The following SVOPL variants were observed in gnomAD, a reference collection of about 807,000 sequenced individuals.
SVOPL encodes putative transporter SVOPL.
Under a neutral mutation model 61.0 loss-of-function variants are expected in SVOPL, and 60 were observed. That is an observed-to-expected ratio of 0.98 (90% CI 0.80 to 1.22). SVOPL has a LOEUF of 1.22. Among genes scored for constraint, SVOPL ranks in the 50% most tolerant of loss-of-function variants. The probability of loss-of-function intolerance (pLI) is 0.00; values close to 1 mark genes in which losing one functional copy is unlikely to be tolerated. For synonymous variants in SVOPL, 279 were observed against 250.0 expected (o/e 1.12, Z -1.09); for missense variants, 662 against 643.9 (o/e 1.03, Z -0.30).
intron 3 of SVOPL, among the ~76,000 whole-genome samples, chr7:138,678,064 C>G (rs1012933777): frequency 1.3e-5 from 2 of 152,114 alleles, no homozygotes; most frequent in African/African-American, 4.8e-5. Flanking sequence ...CCGTGTGTGG[C>G]CACAATCTTT....
At chr7:138,602,393 G>A (rs1186300418) in intron 14 of SVOPL, among the ~76,000 whole-genome samples, 2 of 150,596 alleles carry the variant, frequency 1.3e-5, no homozygotes, top group Non-Finnish European at 2.9e-5. Context: ...AAGAATGAGG[G>A]TAATCTACAT....
At chr7:138,626,140 G>A (rs534862927) in intron 12 of SVOPL, 90 bp from the exon 13 acceptor site, 1 of 1,256,348 alleles carries the variant, frequency 8.0e-7, no homozygotes, top group East Asian at 2.4e-5. Context: ...TGGATGCTGA[G>A]ATACAATCAC....
chr7:138,689,207 G>T (rs1012983458), intron 1 of SVOPL: 6 of 1,348,034 alleles, frequency 4.5e-6, no homozygotes, highest in Non-Finnish European at 6.4e-6. Flanking sequence ...CCAAGCAGTG[G>T]GGCTGGACAC....
intron 9 of SVOPL, among the ~76,000 whole-genome samples, chr7:138,637,547 C>G (rs1354375028): frequency 6.6e-6 from 1 of 151,404 alleles, no homozygotes; most frequent in African/African-American, 2.4e-5. Flanking sequence ...CATACACACA[C>G]ACACCCCCCA....
chr7:138,596,145 C>T (rs927810347), intron 15 of SVOPL, among the ~76,000 whole-genome samples: 4 of 146,664 alleles, frequency 2.7e-5, no homozygotes, highest in Non-Finnish European at 6.0e-5. Context: ...GCCAAGATCA[C>T]ACCACTGCAC....
chr7:138,608,295 G>A (rs1198288726), intron 14 of SVOPL, among the ~76,000 whole-genome samples: 1 of 152,198 alleles, frequency 6.6e-6, no homozygotes, highest in Non-Finnish European at 1.5e-5. Context: ...AGTGGGTTTA[G>A]AACAGCCAGT....
chr7:138,693,130 T>C (rs145402625), intron 1 of SVOPL, among the ~76,000 whole-genome samples: 1 of 152,310 alleles, frequency 6.6e-6, no homozygotes, highest in Admixed American at 6.5e-5. Flanking sequence ...GGATTGATAC[T>C]GTCATAAACC....
At chr7:138,642,238 TCAA>T (rs1280517069) in intron 9 of SVOPL, among the ~76,000 whole-genome samples, 1 of 127,758 alleles carries the variant, frequency 7.8e-6, no homozygotes, top group African/African-American at 3.1e-5. Context: ...AGTATTGAAC[TCAA>T]CAAGCTAGAA....
intron 4 of SVOPL, chr7:138,664,063 C>G (rs1802136372): frequency 3.1e-6 from 1 of 320,454 alleles, no homozygotes; most frequent in Non-Finnish European, 4.5e-6. Flanking sequence ...GTTCCGTAAC[C>G]CTGTTTGACA....
intron 14 of SVOPL, among the ~76,000 whole-genome samples, chr7:138,603,268 G>A (rs1798606972): frequency 6.6e-6 from 1 of 152,206 alleles, no homozygotes; most frequent in Non-Finnish European, 1.5e-5. Context: ...GGGAGGTCTT[G>A]TGATTTGATG....
At chr7:138,647,784 G>T (rs549148080) in intron 8 of SVOPL, among the ~76,000 whole-genome samples, 123 of 151,078 alleles carry the variant, frequency 8.1e-4, no homozygotes, top group African/African-American at 2.9e-3. Context: ...GGAGGTGGAG[G>T]TTGCAGTGAG....
At chr7:138,611,129 C>A (rs1414922740) in intron 14 of SVOPL, among the ~76,000 whole-genome samples, 1 of 152,222 alleles carries the variant, frequency 6.6e-6, no homozygotes, top group Non-Finnish European at 1.5e-5. Context: ...GTAATCCCAG[C>A]ACTTTTCGGA....
At chr7:138,650,586 A>T (rs1284226615) in intron 7 of SVOPL, among the ~76,000 whole-genome samples, 1 of 148,938 alleles carries the variant, frequency 6.7e-6, no homozygotes, top group South Asian at 2.2e-4. Flanking sequence ...GAGGTAGGGG[A>T]ATCACTTGAA....
At chr7:138,596,087 G>A (rs1170158280) in intron 15 of SVOPL, among the ~76,000 whole-genome samples, 2 of 151,586 alleles carry the variant, frequency 1.3e-5, no homozygotes, top group East Asian at 1.9e-4. Flanking sequence ...TACTTGGGAG[G>A]CTGAGGCAGG....
rs1329640807 is a variant in SVOPL, at chr7:138,660,004, A to G, written c.346-16T>C. ...TGAGCAGAATCTGAAGCAACAGCAGAACACATGAATGGGACCTGCCTCAAT... is the reference window on the plus strand; with the variant it reads ...TGAGCAGAATCTGAAGCAACAGCAGGACACATGAATGGGACCTGCCTCAAT... On this transcript the variant is annotated splice_polypyrimidine_tract_variant and intron_variant, in intron 5 of 15. Transcript: ENST00000674285. 1.9e-6 allele frequency: 3 copies of G among 1,551,312 alleles called. No individual in the cohort carries two copies. The African/African-American group carries it at 4.1e-5, about 21-fold the overall frequency.
chr7:138,624,893 C>T (rs1292482413), intron 13 of SVOPL, among the ~76,000 whole-genome samples: 4 of 151,834 alleles, frequency 2.6e-5, no homozygotes, highest in Non-Finnish European at 5.9e-5. Flanking sequence ...GTGGAGATGG[C>T]ATTTTGGTTT....
chr7:138,632,515 A>G (rs577683186), intron 9 of SVOPL, among the ~76,000 whole-genome samples: 17 of 152,086 alleles, frequency 1.1e-4, no homozygotes, highest in African/African-American at 4.1e-4. Context: ...AAGGCTTGAG[A>G]AGGAAAGTGG....
intron 3 of SVOPL, among the ~76,000 whole-genome samples, chr7:138,675,070 G>A (rs1802524664): frequency 6.6e-6 from 1 of 151,972 alleles, no homozygotes; most frequent in South Asian, 2.1e-4. Context: ...ATCAAAATAG[G>A]ACTAGGATAC....
intron 13 of SVOPL, among the ~76,000 whole-genome samples, chr7:138,621,890 C>G (rs13222126): frequency 0.38 from 20,890 of 54,348 alleles, 3,909 homozygotes; most frequent in East Asian, 0.71. Flanking sequence ...ATCTATCTAT[C>G]TATCTATCTA....
Sources: allele counts gnomAD v4.1 joint callset (sites outside exome capture counted in the v4.1 genomes callset), GRCh38; gene constraint gnomAD v4.1.1; transcripts MANE v1.5; gene names NCBI Gene and HGNC (gene_info 2026-07-23, HGNC 2026-07-21).